Variants in BBS9 observed in about 807,000 individuals in gnomAD.
The protein encoded by BBS9 is protein PTHB1.
In BBS9, 89 loss-of-function variants were observed where a neutral mutation model predicts 117.7. That is an observed-to-expected ratio of 0.76 (90% CI 0.64 to 0.90). The LOEUF (loss-of-function observed/expected upper bound fraction) is 0.90, where lower values mean the gene tolerates loss of function less well. Among genes scored for constraint, BBS9 ranks in the 40% least tolerant of loss-of-function variants. BBS9 has a pLI of 0.00. For missense variants in BBS9, 982 were observed against 1,042.2 expected (o/e 0.94, Z 0.80); for synonymous variants, 379 against 370.9 (o/e 1.02, Z -0.25).
At chr7:33,622,764 A>C (rs532166704) in intron 21 of BBS9, among the ~76,000 whole-genome samples, 1 of 152,338 alleles carries the variant, frequency 6.6e-6, no homozygotes, top group Admixed American at 6.5e-5. Context: ...CATCATAATA[A>C]TGTCTCCAGA....
chr7:33,605,089 T>G (rs1864396946), intron 22 of BBS9, 106 bp from the exon 23 acceptor site: 2 of 1,467,540 alleles, frequency 1.4e-6, no homozygotes, highest in Non-Finnish European at 9.5e-7. Flanking sequence ...TCCAATTTCT[T>G]CATTCTTCCC....
At chr7:33,581,301 G>C (rs1859873460) in intron 21 of BBS9, among the ~76,000 whole-genome samples, 1 of 152,076 alleles carries the variant, frequency 6.6e-6, no homozygotes, top group African/African-American at 2.4e-5. Context: ...TGGCGAAATG[G>C]AAGGTCACTG....
intron 2 of BBS9, among the ~76,000 whole-genome samples, chr7:33,146,937 T>C (rs1366069724): frequency 6.6e-6 from 1 of 152,168 alleles, no homozygotes; most frequent in Non-Finnish European, 1.5e-5. Flanking sequence ...TTCATTTGTA[T>C]CAAAATTTGG....
At chr7:33,431,209 A>G (rs979663265) in intron 19 of BBS9, among the ~76,000 whole-genome samples, 6 of 133,550 alleles carry the variant, frequency 4.5e-5, no homozygotes, top group Non-Finnish European at 6.3e-5. Context: ...CCCTGTCTCA[A>G]AAAAAAAAAA....
intron 9 of BBS9, among the ~76,000 whole-genome samples, chr7:33,297,218 C>A (rs1212265986): frequency 6.6e-6 from 1 of 152,154 alleles, no homozygotes; most frequent in Non-Finnish European, 1.5e-5. Context: ...TGATTTTTCT[C>A]TACATGTTTG....
Position 33,605,194 on chromosome 7 carries a change from G to C in BBS9, c.2633-1G>C. On this transcript the variant is annotated splice_acceptor_variant, in intron 22 of 22. Transcript: ENST00000242067. LOFTEE classifies it high-confidence loss of function. ...TTCTCTCTTACTCTCTTTTTTTCCA[G>C]AAGTTTCACCCCTCCAAGGAGTCTC... is the stretch of plus-strand genomic sequence containing the variant. 1 of 1,611,270 alleles carries C rather than the reference G, an allele frequency of 6.2e-7. No individual in the cohort carries two copies. Among genetic ancestry groups the C allele is most frequent in the Non-Finnish European group, 8.5e-7 (1 of 1,177,650 alleles).
chr7:33,444,193 G>T (rs1836641786), intron 19 of BBS9, among the ~76,000 whole-genome samples: 1 of 152,128 alleles, frequency 6.6e-6, no homozygotes, highest in African/African-American at 2.4e-5. Flanking sequence ...GTCTTAGATG[G>T]GGGCTTAGAG....
At chr7:33,175,776 G>A (rs747596662) in intron 4 of BBS9, among the ~76,000 whole-genome samples, 2 of 152,176 alleles carry the variant, frequency 1.3e-5, no homozygotes, top group Non-Finnish European at 1.5e-5. Flanking sequence ...AATTAGACTG[G>A]CCAAAGACTA....
intron 4 of BBS9, among the ~76,000 whole-genome samples, chr7:33,169,238 C>G (rs1308253728): frequency 1.3e-5 from 2 of 150,768 alleles, no homozygotes; most frequent in Non-Finnish European, 2.9e-5. Context: ...GGTTCCAAGT[C>G]TTTGCTATTG....
Position 33,578,373 on chromosome 7 carries a change from G to A in BBS9, c.2522-26492G>A, listed in dbSNP as rs541073233. ...CCTACAAGGCAGGACACTCCCAAGT[G>A]GGATGACTTGCGATCCCAGAAATCA... On this transcript the variant is annotated intron_variant, in intron 21 of 22. Coordinates refer to ENST00000242067, the MANE Select transcript of BBS9 (RefSeq NM_198428.3). Among the ~76,000 whole-genome samples, 11 of 152,322 alleles carry A rather than the reference G, an allele frequency of 7.2e-5. No homozygotes were observed. In the East Asian group the frequency reaches 1.9e-3, roughly 27 times the overall value.
intron 19 of BBS9, among the ~76,000 whole-genome samples, chr7:33,438,861 C>G (rs1365996345): frequency 6.6e-6 from 1 of 152,186 alleles, no homozygotes; most frequent in African/African-American, 2.4e-5. Context: ...TGCTGCTATT[C>G]TCTTCTTCCA....
chr7:33,216,366 C>CA (rs1383219339), intron 5 of BBS9, among the ~76,000 whole-genome samples: 4 of 152,008 alleles, frequency 2.6e-5, no homozygotes, highest in African/African-American at 9.7e-5. Context: ...TCCTATCCTT[C>CA]AAAAAAACAA....
intron 5 of BBS9, among the ~76,000 whole-genome samples, chr7:33,214,806 C>G (rs930140150): frequency 6.6e-6 from 1 of 152,166 alleles, no homozygotes; most frequent in Non-Finnish European, 1.5e-5. Context: ...CAATCCCTGT[C>G]AAAATACTGA....
intron 5 of BBS9, among the ~76,000 whole-genome samples, chr7:33,194,887 A>G (rs1489485695): frequency 6.6e-6 from 1 of 152,086 alleles, no homozygotes; most frequent in Non-Finnish European, 1.5e-5. Context: ...TCTCTTCTAT[A>G]TGTTGTGGTA....
chr7:33,221,149 T>G (rs1264267125), intron 5 of BBS9, among the ~76,000 whole-genome samples: 2 of 152,230 alleles, frequency 1.3e-5, no homozygotes, highest in Non-Finnish European at 2.9e-5. Context: ...TGTTTCTGCT[T>G]GTTTATACCT....
At chr7:33,413,664 CAG>C (rs1831510500) in intron 19 of BBS9, among the ~76,000 whole-genome samples, 2 of 151,550 alleles carry the variant, frequency 1.3e-5, no homozygotes, top group Non-Finnish European at 2.9e-5. Flanking sequence ...AAAAAAAAAA[CAG>C]AATGTGGATA....
chr7:33,543,331 G>T (rs1723132951), intron 21 of BBS9, among the ~76,000 whole-genome samples: 1 of 146,860 alleles, frequency 6.8e-6, no homozygotes, highest in African/African-American at 2.5e-5. Context: ...TTAATGATTT[G>T]AGTTTGTCGT....
intron 19 of BBS9, among the ~76,000 whole-genome samples, chr7:33,429,477 A>G (rs886394213): frequency 7.2e-5 from 11 of 152,196 alleles, no homozygotes; most frequent in East Asian, 1.9e-4. Context: ...GTGTTTGAGT[A>G]TGGCTTTGCC....
intron 1 of BBS9, among the ~76,000 whole-genome samples, chr7:33,134,779 A>G (rs750361454): frequency 2.6e-5 from 4 of 151,918 alleles, no homozygotes; most frequent in African/African-American, 7.3e-5. Context: ...TCTTTTTTGT[A>G]TAGATGCGGT....
Sources: gnomAD v4.1 joint callset for allele counts (sites outside exome capture counted in the v4.1 genomes callset) on GRCh38, gnomAD v4.1.1 for gene constraint, MANE v1.5 for transcripts, NCBI Gene and HGNC (gene_info 2026-07-23, HGNC 2026-07-21) for gene names.